ARHGAP6: variants seen among roughly 807,000 people sequenced by gnomAD.
ARHGAP6 encodes the protein rho GTPase-activating protein 6.
ARHGAP6 carries 16 observed loss-of-function variants against 55.7 expected under a neutral mutation model. The ratio of observed to expected loss-of-function variants is 0.29; its 90% CI spans 0.19 to 0.44. ARHGAP6 has a LOEUF of 0.44. Ranked by LOEUF, ARHGAP6 falls within the 20% of genes least tolerant of loss-of-function variation. The pLI is 1.00. For missense variants in ARHGAP6, 698 were observed against 808.9 expected, an observed-to-expected ratio of 0.86 and a Z score of 1.66; for synonymous variants, 382 against 360.9, an observed-to-expected ratio of 1.06 and a Z score of -0.66.
chrX:11,338,390 C>T lies in ARHGAP6; in HGVS notation c.589-83683G>A, dbSNP rs144140960. On this transcript the variant is annotated intron_variant, in intron 1 of 12. Coordinates refer to ENST00000337414, the MANE Select transcript of ARHGAP6 (RefSeq NM_013427.3). ...TGTCAGGTAGAGTGAGACTGGCAAA[C>T]TTAAAATACTATAAATGCAAGCTCT... Among the ~76,000 whole-genome samples the T allele has an allele frequency of 9.5e-3, 1,064 of 111,623 alleles. 9 individuals are homozygous for T. Among genetic ancestry groups the T allele is most frequent in the African/African-American group, 0.033 (1,014 of 30,713 alleles).
intron 2 of ARHGAP6, among the ~76,000 whole-genome samples, chrX:11,205,927 T>C (rs1322427038): frequency 1.8e-5 from 2 of 112,088 alleles, no homozygotes; most frequent in Admixed American, 1.9e-4. Flanking sequence ...GCCCAACACA[T>C]ACTAGGAGTA....
At chrX:11,206,105 G>A (rs2046700913) in intron 2 of ARHGAP6, among the ~76,000 whole-genome samples, 1 of 111,854 alleles carries the variant, frequency 8.9e-6, no homozygotes, top group Admixed American at 9.5e-5. Context: ...AAAAGGATCT[G>A]AGCTGCTGTT....
chrX:11,239,603 T>C (rs1347580691), intron 2 of ARHGAP6, among the ~76,000 whole-genome samples: 1 of 111,606 alleles, frequency 9.0e-6, no homozygotes, highest in Non-Finnish European at 1.9e-5. Flanking sequence ...GATTTTTTCA[T>C]AGGTGGCTTA....
intron 1 of ARHGAP6, among the ~76,000 whole-genome samples, chrX:11,504,716 A>T (rs1186045275): frequency 2.7e-5 from 3 of 112,213 alleles, no homozygotes; most frequent in African/African-American, 9.7e-5. Context: ...GAAGACTGAG[A>T]CTGAAGAGAC....
chrX:11,346,735 G>GAAAGAAAGAAAGAAAGAAAGAAAGAAAC, intron 1 of ARHGAP6, among the ~76,000 whole-genome samples: 1 of 106,915 alleles, frequency 9.4e-6, no homozygotes. Flanking sequence ...AAGAAAGAAA[G>GAAAGAAAGAAAGAAAGAAAGAAAGAAAC]AAAGAAAGAA....
Position 11,275,267 on chromosome X carries a change from AGGTATGTGATAATACACAGTGGGTAAAG to A in ARHGAP6, c.589-20588_589-20561del, listed in dbSNP as rs745822365. On this transcript the variant is annotated intron_variant, in intron 1 of 12. Coordinates refer to ENST00000337414, the MANE Select transcript of ARHGAP6 (RefSeq NM_013427.3). ...TCTTATATAGACAAATATTTATAATAGGTATGTGATAATACACAGTGGGTAAAGGGTACGTATGCAAATGCATCTTGCT... is the reference window on the plus strand; with the variant it reads ...TCTTATATAGACAAATATTTATAATAGGTACGTATGCAAATGCATCTTGCT... 8.7e-3 allele frequency among the ~76,000 whole-genome samples: 970 copies of A among 112,033 alleles called. 6 individuals are homozygous for A. The highest frequency in any genetic ancestry group is 0.037 in the Middle Eastern group (8 of 217).
chrX:11,487,670 A>G (rs1372738604), intron 1 of ARHGAP6, among the ~76,000 whole-genome samples: 2 of 112,157 alleles, frequency 1.8e-5, no homozygotes. Flanking sequence ...ATATCTTATC[A>G]GGCAACCTTA....
intron 1 of ARHGAP6, among the ~76,000 whole-genome samples, chrX:11,660,517 ACT>A (rs1200418138): frequency 3.8e-5 from 3 of 78,746 alleles, no homozygotes; most frequent in Admixed American, 1.7e-4. Flanking sequence ...ACAGGGTGAG[ACT>A]CTCTCTCTCT....
At chrX:11,482,402 G>A (rs900307384) in intron 1 of ARHGAP6, among the ~76,000 whole-genome samples, 7 of 111,940 alleles carry the variant, frequency 6.3e-5, no homozygotes, top group African/African-American at 9.8e-5. Flanking sequence ...CAAAATTCCC[G>A]TTCTCACGTA....
rs901865183 is a variant in ARHGAP6, at chrX:11,665,490, C to T, written c.-662G>A. The T allele has an allele frequency of 1.8e-5, 2 of 113,724 alleles. No individual in the cohort carries two copies. The highest frequency in any genetic ancestry group is 9.2e-5 in the Admixed American group (1 of 10,904). The allele number at this position is 113,724 out of a possible 1,213,427, so 9.4% of individuals were successfully genotyped here. On this transcript the variant is annotated 5_prime_UTR_variant, in exon 1 of 13. Transcript: ENST00000337414. ...GACTGCAGAGGCTCAAGGGTTGTTCCAAGCTCAAGGTTCCCGCGGGGTCTC... is the reference window on the plus strand; with the variant it reads ...GACTGCAGAGGCTCAAGGGTTGTTCTAAGCTCAAGGTTCCCGCGGGGTCTC...
rs765108598 is a variant in ARHGAP6, at chrX:11,575,354, G to GT, written c.588+88886dup. ...GTTAAGTCGCAAAAATGTTCAGTTT[G>GT]TTTTTTCCAGCAATTAGCTTCTTGA... On this transcript the variant is annotated intron_variant, in intron 1 of 12. Transcript: ENST00000337414. Among the ~76,000 whole-genome samples the GT allele has an allele frequency of 1.4e-4, 16 of 111,894 alleles. 1 individual carries two copies. Among genetic ancestry groups the GT allele is most frequent in the Middle Eastern group, 4.6e-3 (1 of 218 alleles).
At chrX:11,582,815 A>C (rs747353306) in intron 1 of ARHGAP6, among the ~76,000 whole-genome samples, 19 of 111,654 alleles carry the variant, frequency 1.7e-4, no homozygotes, top group African/African-American at 6.2e-4. Flanking sequence ...TTTGATTGTA[A>C]TAATCATTTC....
intron 1 of ARHGAP6, among the ~76,000 whole-genome samples, chrX:11,626,344 T>C (rs976044561): frequency 8.9e-6 from 1 of 111,941 alleles, no homozygotes; most frequent in Admixed American, 9.5e-5. Context: ...TTGAAAATGA[T>C]ATCCAGGCTC....
At position 11,276,259 on chromosome X, in the gene ARHGAP6, A is replaced by C. The variant is rs753707146; in HGVS notation, c.589-21552T>G. 4.5e-5 allele frequency among the ~76,000 whole-genome samples: 5 copies of C among 110,924 alleles called. No homozygotes were observed. In the South Asian group the frequency reaches 1.5e-3, roughly 34 times the overall value. On this transcript the variant is annotated intron_variant, in intron 1 of 12. Coordinates refer to ENST00000337414, the MANE Select transcript of ARHGAP6 (RefSeq NM_013427.3). ...TCAGCTATTTTCTTGACTCTTATTT[A>C]AACATTGGAAAGCTATTTGATTATC...
At chrX:11,523,251 A>G (rs2050952925) in intron 1 of ARHGAP6, among the ~76,000 whole-genome samples, 1 of 111,386 alleles carries the variant, frequency 9.0e-6, no homozygotes, top group African/African-American at 3.3e-5. Context: ...AATAAGAGCT[A>G]TTTATGACAA....
intron 1 of ARHGAP6, among the ~76,000 whole-genome samples, chrX:11,294,407 T>C (rs1024542194): frequency 2.7e-5 from 3 of 112,450 alleles, no homozygotes; most frequent in South Asian, 3.7e-4. Flanking sequence ...TTTGATGATC[T>C]TCCCAACCTT....
At chrX:11,320,274 T>A (rs1332257626) in intron 1 of ARHGAP6, among the ~76,000 whole-genome samples, 1 of 111,491 alleles carries the variant, frequency 9.0e-6, no homozygotes, top group Non-Finnish European at 1.9e-5. Flanking sequence ...CTCCTCAGGG[T>A]CAAGTTAAAG....
At chrX:11,581,365 A>G (rs1158985523) in intron 1 of ARHGAP6, among the ~76,000 whole-genome samples, 1 of 112,097 alleles carries the variant, frequency 8.9e-6, no homozygotes, top group African/African-American at 3.2e-5. Flanking sequence ...TTTGGAAAAC[A>G]GTCTGACAGT....
At chrX:11,468,405 A>G (rs1435676318) in intron 1 of ARHGAP6, among the ~76,000 whole-genome samples, 2 of 112,032 alleles carry the variant, frequency 1.8e-5, no homozygotes, top group African/African-American at 6.5e-5. Context: ...TAATCTTTCT[A>G]AAGCCTTCTG....
Sources: allele counts gnomAD v4.1 joint callset (sites outside exome capture counted in the v4.1 genomes callset), GRCh38; gene constraint gnomAD v4.1.1; transcripts MANE v1.5; gene names NCBI Gene and HGNC (gene_info 2026-07-23, HGNC 2026-07-21).